Variants in CADM1 observed in about 807,000 individuals in gnomAD.
CADM1 encodes the protein cell adhesion molecule 1.
In CADM1, 15 loss-of-function variants were observed where a neutral mutation model predicts 53.1. That is an observed-to-expected ratio of 0.28 (90% CI 0.19 to 0.44). CADM1 has a LOEUF of 0.44. CADM1 is among the 20% of genes least tolerant of loss of function. The pLI is 1.00. For missense variants in CADM1, 434 were observed against 611.3 expected, an observed-to-expected ratio of 0.71 and a Z score of 3.06; for synonymous variants, 281 against 243.0, an observed-to-expected ratio of 1.16 and a Z score of -1.45.
At chr11:115,456,402 A>AT (rs1437407225) in intron 1 of CADM1, among the ~76,000 whole-genome samples, 5 of 151,604 alleles carry the variant, frequency 3.3e-5, no homozygotes, top group Admixed American at 6.6e-5. Context: ...CTACACTTTA[A>AT]TTTTTTTTTA....
At chr11:115,220,019 A>C (rs1193941954) in intron 5 of CADM1, among the ~76,000 whole-genome samples, 3 of 152,122 alleles carry the variant, frequency 2.0e-5, no homozygotes, top group East Asian at 3.9e-4. Flanking sequence ...TTTAAAGCCC[A>C]AAATTTGGGC....
intron 1 of CADM1, among the ~76,000 whole-genome samples, chr11:115,381,351 T>C (rs1946575260): frequency 6.6e-6 from 1 of 151,288 alleles, no homozygotes; most frequent in Non-Finnish European, 1.5e-5. Flanking sequence ...AAAATGCAAT[T>C]CCAGAACAAG....
chr11:115,204,714 G>A (rs1033352479), intron 8 of CADM1, among the ~76,000 whole-genome samples: 4 of 152,202 alleles, frequency 2.6e-5, no homozygotes, highest in Non-Finnish European at 5.9e-5. Context: ...CTGGTGTCAA[G>A]TTTCCCCACT....
chr11:115,478,380 A>T (rs2135404659), intron 1 of CADM1, among the ~76,000 whole-genome samples: 1 of 152,302 alleles, frequency 6.6e-6, no homozygotes, highest in East Asian at 1.9e-4. Context: ...AAAGGGGTAA[A>T]TATCTAGAAA....
intron 1 of CADM1, among the ~76,000 whole-genome samples, chr11:115,474,904 AAC>A (rs756186714): frequency 6.6e-6 from 1 of 152,188 alleles, no homozygotes; most frequent in Admixed American, 6.5e-5. Context: ...ACTACAACTA[AAC>A]ACACACACAT....
intron 1 of CADM1, among the ~76,000 whole-genome samples, chr11:115,327,354 T>A (rs1944984677): frequency 6.6e-6 from 1 of 152,176 alleles, no homozygotes; most frequent in African/African-American, 2.4e-5. Context: ...CCTGCAAGGC[T>A]GGCACTTGCG....
chr11:115,169,319 G>A lies in CADM1; in HGVS notation c.*7155C>T, dbSNP rs1383592276. 1.3e-5 allele frequency: 3 copies of A among 227,122 alleles called. No individual in the cohort carries two copies. The highest frequency in any genetic ancestry group is 4.8e-5 in the African/African-American group (2 of 41,844). The allele number at this position is 227,122 out of a possible 1,614,324, so 14.1% of individuals were successfully genotyped here. On this transcript the variant is annotated 3_prime_UTR_variant, in exon 12 of 12. Coordinates refer to ENST00000331581, the MANE Select transcript of CADM1 (RefSeq NM_001301043.2). ...GCTAACGTGACTCAAGGCCCTTCTCGATGCATTGGTGTCTCTGCAAGGAAA... is the reference window on the plus strand; with the variant it reads ...GCTAACGTGACTCAAGGCCCTTCTCAATGCATTGGTGTCTCTGCAAGGAAA...
chr11:115,284,607 C>G (rs1202417480), intron 1 of CADM1, among the ~76,000 whole-genome samples: 2 of 151,966 alleles, frequency 1.3e-5, no homozygotes, highest in Non-Finnish European at 2.9e-5. Context: ...TAACCAAGCA[C>G]AATTCCAAAT....
At chr11:115,431,578 C>T (rs954887767) in intron 1 of CADM1, among the ~76,000 whole-genome samples, 1 of 152,160 alleles carries the variant, frequency 6.6e-6, no homozygotes, top group Admixed American at 6.5e-5. Context: ...GCCCCCAGTC[C>T]TTCACACAAC....
chr11:115,295,550 A>ATTAT lies in CADM1; in HGVS notation c.125-55131_125-55130insATAA, dbSNP rs371584699. On this transcript the variant is annotated intron_variant, in intron 1 of 11. Transcript: ENST00000331581. The stretch of plus-strand genomic sequence containing the variant: ...TATATATATATATATATATATATAT[A>ATTAT]ATATATATGTATATGCACATATATA... 3.0e-3 allele frequency among the ~76,000 whole-genome samples: 161 copies of ATTAT among 52,984 alleles called. 1 individual carries two copies. The highest frequency in any genetic ancestry group is 9.3e-3 in the African/African-American group (70 of 7,494). The allele number at this position is 52,984 out of a possible 152,430, so 34.8% of individuals were successfully genotyped here. A position where few individuals can be genotyped will look rare whatever the true frequency, so the allele number is the denominator to read the frequency against.
chr11:115,192,239 G>A (rs1423628043), intron 9 of CADM1, among the ~76,000 whole-genome samples: 3 of 152,170 alleles, frequency 2.0e-5, no homozygotes, highest in Non-Finnish European at 4.4e-5. Context: ...TGTGAAAGAC[G>A]GCTGTCACAC....
intron 1 of CADM1, among the ~76,000 whole-genome samples, chr11:115,328,670 ATATATATGTG>A (rs1436083825): frequency 5.0e-5 from 6 of 119,834 alleles, no homozygotes; most frequent in African/African-American, 6.2e-5. Context: ...CGCACACTAT[ATATATATGTG>A]TATATATATG....
intron 1 of CADM1, among the ~76,000 whole-genome samples, chr11:115,404,766 G>A (rs530975490): frequency 1.1e-4 from 16 of 150,670 alleles, no homozygotes; most frequent in South Asian, 4.2e-4. Context: ...GCTGAGTTGC[G>A]GGGATCACTT....
intron 9 of CADM1, 134 bp from the exon 10 acceptor site, chr11:115,191,075 G>A (rs969653105): frequency 1.0e-5 from 7 of 698,668 alleles, no homozygotes; most frequent in East Asian, 5.4e-5. Context: ...TAGCATGAAT[G>A]TATTAATCCA....
Position 115,173,491 on chromosome 11 carries a change from C to G in CADM1, c.*2983G>C, listed in dbSNP as rs4450197. 1 of 152,674 alleles carries G rather than the reference C, an allele frequency of 6.5e-6. No homozygotes were observed. Among genetic ancestry groups the G allele is most frequent in the Non-Finnish European group, 1.5e-5 (1 of 68,568 alleles). The allele number at this position is 152,674 out of a possible 1,614,324, so 9.5% of individuals were successfully genotyped here. On this transcript the variant is annotated 3_prime_UTR_variant, in exon 12 of 12. Coordinates refer to ENST00000331581, the MANE Select transcript of CADM1 (RefSeq NM_001301043.2). ...AGAGCGCGGCCCCCAGCAACCCAGC[C>G]GGCAGCATGTCCTAGCATCTACTGC... is the stretch of plus-strand genomic sequence containing the variant.
chr11:115,188,452 A>T (rs1455952897), intron 10 of CADM1, among the ~76,000 whole-genome samples: 2 of 152,200 alleles, frequency 1.3e-5, no homozygotes, highest in African/African-American at 4.8e-5. Flanking sequence ...GCTGGGTGAG[A>T]ATGGAGCACC....
intron 1 of CADM1, among the ~76,000 whole-genome samples, chr11:115,333,836 A>G (rs1945194103): frequency 6.6e-6 from 1 of 152,098 alleles, no homozygotes; most frequent in Non-Finnish European, 1.5e-5. Flanking sequence ...ATTTCATCAG[A>G]GTGCAGCTGT....
Position 115,229,264 on chromosome 11 carries a change from C to T in CADM1, c.570G>A (p.Ser190=), listed in dbSNP as rs200493084. 1.2e-5 allele frequency: 19 copies of T among 1,613,930 alleles called. No individual in the cohort carries two copies. Among genetic ancestry groups the T allele is most frequent in the South Asian group, 4.4e-5 (4 of 91,080 alleles). ...ACATGTCTGACCACTCTTCCACCTC[C>T]GATTTGCCTGGGGAACAGAAAATGT... ...FKGNTELKGK[S]EVEEWSDMYT... is the part of the protein sequence containing the mutation. Residue 190 remains serine (S), a synonymous_variant, in exon 5 of 12, where the codon TCG becomes TCA. Transcript: ENST00000331581.
At chr11:115,488,393 T>C (rs534793386) in intron 1 of CADM1, among the ~76,000 whole-genome samples, 7 of 152,260 alleles carry the variant, frequency 4.6e-5, no homozygotes, top group African/African-American at 1.4e-4. Flanking sequence ...CTCCCAATAA[T>C]GTCAGGAAGT....
Sources: allele counts gnomAD v4.1 joint callset (sites outside exome capture counted in the v4.1 genomes callset), GRCh38; gene constraint gnomAD v4.1.1; transcripts MANE v1.5; gene names NCBI Gene and HGNC (gene_info 2026-07-23, HGNC 2026-07-21).